Variants in WDR27 observed in about 807,000 individuals in gnomAD.
WDR27 encodes WD repeat-containing protein 27.
WDR27 carries 100 observed loss-of-function variants against 114.4 expected under a neutral mutation model. That is an observed-to-expected ratio of 0.87 (90% CI 0.74 to 1.03). The LOEUF (loss-of-function observed/expected upper bound fraction) is 1.03, where lower values mean the gene tolerates loss of function less well. WDR27 is among the 50% of genes least tolerant of loss of function. WDR27 has a pLI of 0.00. For synonymous variants in WDR27, 449 were observed against 423.1 expected (o/e 1.06, Z -0.75); for missense variants, 1,129 against 1,092.9 (o/e 1.03, Z -0.47).
chr6:169,627,432 C>T (rs1333850758), intron 21 of WDR27, among the ~76,000 whole-genome samples: 1 of 152,162 alleles, frequency 6.6e-6, no homozygotes, highest in Non-Finnish European at 1.5e-5. Context: ...CACAGCTCAT[C>T]TGGCTCAAGT....
chr6:169,455,944 T>C (rs946849354), downstream of WDR27, among the ~76,000 whole-genome samples: 5 of 151,840 alleles, frequency 3.3e-5, no homozygotes, highest in African/African-American at 1.2e-4. Flanking sequence ...ATTAAATAAT[T>C]TTATATTTCT....
At chr6:169,552,973 GGTGTGT>G (rs3975497) in intron 25 of WDR27, among the ~76,000 whole-genome samples, 827 of 61,750 alleles carry the variant, frequency 0.013, 16 homozygotes, top group African/African-American at 0.026. Flanking sequence ...GGGCCTGCCC[GGTGTGT>G]GTGTGTGTGT....
intron 4 of WDR27, 139 bp from the exon 5 acceptor site, chr6:169,668,324 A>G (rs79843499): frequency 0.069 from 56,057 of 809,324 alleles, 2,267 homozygotes; most frequent in East Asian, 0.1. Flanking sequence ...AAAAGCCGAC[A>G]CTGACTGGAG....
intron 16 of WDR27, among the ~76,000 whole-genome samples, chr6:169,645,040 A>T (rs1224151960): frequency 2.9e-4 from 17 of 59,288 alleles, no homozygotes; most frequent in Non-Finnish European, 4.7e-4. Context: ...AAAAAATAAA[A>T]AAAAAAAAAA....
At chr6:169,548,877 C>A (rs192443315) in intron 25 of WDR27, among the ~76,000 whole-genome samples, 1 of 152,278 alleles carries the variant, frequency 6.6e-6, no homozygotes, top group African/African-American at 2.4e-5. Flanking sequence ...TGGACATAGA[C>A]CTTACACCCT....
chr6:169,636,919 T>C lies in WDR27; in HGVS notation c.1870-415A>G, dbSNP rs77260813. Among the ~76,000 whole-genome samples, 201 of 152,346 alleles carry C rather than the reference T, an allele frequency of 1.3e-3. 1 individual carries two copies. The highest frequency in any genetic ancestry group is 4.6e-3 in the African/African-American group (191 of 41,586). On this transcript the variant is annotated intron_variant, in intron 18 of 25. Transcript: ENST00000448612. ...CCACAGCTCTCAGCAAACTCCTTCC[T>C]GAAGCTGCTGCCAAACGCTTCACCT...
intron 21 of WDR27, among the ~76,000 whole-genome samples, chr6:169,617,717 G>A (rs1812195440): frequency 6.6e-6 from 1 of 152,178 alleles, no homozygotes; most frequent in East Asian, 1.9e-4. Context: ...TTTCTACTTG[G>A]CCAGCGCCAT....
chr6:169,634,821 T>C (rs1329975121), intron 19 of WDR27, among the ~76,000 whole-genome samples: 1 of 152,210 alleles, frequency 6.6e-6, no homozygotes, highest in Non-Finnish European at 1.5e-5. Context: ...CTATAGGGTA[T>C]TTCCATGTAT....
intron 25 of WDR27, among the ~76,000 whole-genome samples, chr6:169,464,800 A>G (rs1785342224): frequency 6.6e-6 from 1 of 152,246 alleles, no homozygotes; most frequent in African/African-American, 2.4e-5. Context: ...CCTCCAAAGA[A>G]GATATACAAA....
intron 25 of WDR27, among the ~76,000 whole-genome samples, chr6:169,517,332 A>G (rs1025671975): frequency 6.6e-6 from 1 of 152,182 alleles, no homozygotes; most frequent in South Asian, 2.1e-4. Context: ...TGAGCCAATT[A>G]AACCTCTTTT....
In WDR27 at chr6:169,668,026, G is replaced by A. The variant is rs200952813; in HGVS notation, c.616C>T (p.Arg206Ter). Residue 206 changes from arginine to a stop codon, truncating the protein, a stop_gained, in exon 5 of 26, where the codon CGA (arginine) becomes TGA (stop). Transcript: ENST00000448612. LOFTEE classifies it high-confidence loss of function. ...PVTAVEFCPW[R>*]AGTLISASED... ...GACGCCGAGATGAGGGTGCCTGCTC[G>A]CCAGGGACAGAACTCCACCGCAGTC... 2.4e-5 allele frequency: 39 copies of A among 1,613,908 alleles called. No homozygotes were observed. The highest frequency in any genetic ancestry group is 3.3e-5 in the Admixed American group (2 of 60,026).
At chr6:169,583,751 C>G (rs1294028266) in intron 23 of WDR27, among the ~76,000 whole-genome samples, 1 of 151,578 alleles carries the variant, frequency 6.6e-6, no homozygotes, top group African/African-American at 2.4e-5. Flanking sequence ...TTCCTTTTTC[C>G]CGCAAAAACC....
chr6:169,686,761 T>C (rs1481273480), intron 2 of WDR27, among the ~76,000 whole-genome samples: 1 of 152,030 alleles, frequency 6.6e-6, no homozygotes, highest in Non-Finnish European at 1.5e-5. Context: ...CACAGATAAA[T>C]GGATAAAGAA....
the WDR27 span, among the ~76,000 whole-genome samples, chr6:169,429,395 C>T: frequency 6.6e-6 from 1 of 151,854 alleles, no homozygotes; most frequent in Non-Finnish European, 1.5e-5. Context: ...GAAAAGACCA[C>T]ACTCTTCATC....
chr6:169,427,807 AC>A, the WDR27 span, among the ~76,000 whole-genome samples: 4 of 102,048 alleles, frequency 3.9e-5, no homozygotes, highest in Non-Finnish European at 6.8e-5. Flanking sequence ...ACAAACAACA[AC>A]CAAAAAAAAA....
chr6:169,522,204 C>A (rs894499595), intron 25 of WDR27, among the ~76,000 whole-genome samples: 3 of 151,916 alleles, frequency 2.0e-5, no homozygotes, highest in African/African-American at 7.2e-5. Context: ...AGATAATAGA[C>A]TACAAATCAA....
At chr6:169,553,697 C>A (rs571449909) in intron 25 of WDR27, among the ~76,000 whole-genome samples, 4 of 152,156 alleles carry the variant, frequency 2.6e-5, no homozygotes, top group Admixed American at 6.5e-5. Context: ...GTGAACATTA[C>A]GACCTGCTAG....
At chr6:169,554,440 T>C (rs182489150) in intron 25 of WDR27, among the ~76,000 whole-genome samples, 13 of 152,332 alleles carry the variant, frequency 8.5e-5, no homozygotes, top group Admixed American at 7.8e-4. Flanking sequence ...CTACGATTCA[T>C]GGCCCTGCTT....
At chr6:169,623,244 C>A (rs1562726078) in intron 21 of WDR27, among the ~76,000 whole-genome samples, 1 of 152,156 alleles carries the variant, frequency 6.6e-6, no homozygotes, top group African/African-American at 2.4e-5. Flanking sequence ...GCTTTGACTC[C>A]TGATGATTTC....
Sources: allele counts gnomAD v4.1 joint callset (sites outside exome capture counted in the v4.1 genomes callset), GRCh38; gene constraint gnomAD v4.1.1; transcripts MANE v1.5; gene names NCBI Gene and HGNC (gene_info 2026-07-23, HGNC 2026-07-21).